RPS6KC1: variants seen among roughly 807,000 people sequenced by gnomAD.
The protein encoded by RPS6KC1 is ribosomal protein S6 kinase C1.
A neutral mutation model predicts 103.8 loss-of-function variants in RPS6KC1; 54 were observed. The ratio of observed to expected loss-of-function variants is 0.52; its 90% CI spans 0.42 to 0.65. The LOEUF (loss-of-function observed/expected upper bound fraction) is 0.65. Ranked by LOEUF, RPS6KC1 falls within the 30% of genes least tolerant of loss-of-function variation. The pLI is 0.00. For synonymous variants in RPS6KC1, 439 were observed against 438.7 expected (o/e 1.00, Z -0.01); for missense variants, 1,151 against 1,253.8 (o/e 0.92, Z 1.24).
At chr1:213,759,208 C>G in the RPS6KC1 span, among the ~76,000 whole-genome samples, 3 of 149,702 alleles carry the variant, frequency 2.0e-5, no homozygotes. Flanking sequence ...GCTGAAGACT[C>G]AGAGGATCAT....
chr1:213,530,962 G>A, the RPS6KC1 span, among the ~76,000 whole-genome samples: 1 of 152,118 alleles, frequency 6.6e-6, no homozygotes, highest in African/African-American at 2.4e-5. Flanking sequence ...TATACAGATT[G>A]GACACTTAGA....
chr1:213,720,047 T>A, the RPS6KC1 span, among the ~76,000 whole-genome samples: 1 of 152,180 alleles, frequency 6.6e-6, no homozygotes, highest in South Asian at 2.1e-4. Context: ...GGCATGAGGA[T>A]TTGACGTTCA....
At chr1:213,805,556 G>C in the RPS6KC1 span, among the ~76,000 whole-genome samples, 7 of 152,068 alleles carry the variant, frequency 4.6e-5, no homozygotes, top group African/African-American at 1.7e-4. Flanking sequence ...CCATCTTCAG[G>C]TTCCACTTCT....
the RPS6KC1 span, among the ~76,000 whole-genome samples, chr1:213,434,781 T>TG: frequency 8.3e-6 from 1 of 120,308 alleles, no homozygotes; most frequent in Non-Finnish European, 1.9e-5. Context: ...TATAACTGAC[T>TG]GTTTTTTTTT....
the RPS6KC1 span, among the ~76,000 whole-genome samples, chr1:213,624,376 G>C: frequency 6.6e-6 from 1 of 152,190 alleles, no homozygotes; most frequent in South Asian, 2.1e-4. Context: ...GAGCAAGCTA[G>C]GATGGGTAGA....
At chr1:213,457,194 C>A in the RPS6KC1 span, among the ~76,000 whole-genome samples, 2 of 152,212 alleles carry the variant, frequency 1.3e-5, no homozygotes, top group Non-Finnish European at 2.9e-5. Context: ...TGTGATTGTT[C>A]TGTTCTTTCC....
the RPS6KC1 span, among the ~76,000 whole-genome samples, chr1:213,641,684 T>G: frequency 4.0e-5 from 6 of 151,832 alleles, no homozygotes; most frequent in Admixed American, 3.9e-4. Context: ...CCTCACTCTC[T>G]GTGATCTACT....
chr1:213,762,015 G>A, the RPS6KC1 span, among the ~76,000 whole-genome samples: 1 of 152,042 alleles, frequency 6.6e-6, no homozygotes, highest in Non-Finnish European at 1.5e-5. Flanking sequence ...CAAAATGGTG[G>A]GTGGGAGAAA....
intron 8 of RPS6KC1, among the ~76,000 whole-genome samples, chr1:213,216,377 C>T (rs1033689790): frequency 1.3e-5 from 2 of 152,124 alleles, no homozygotes; most frequent in African/African-American, 4.8e-5. Flanking sequence ...AAAGCAAGTC[C>T]TTCGAGACCT....
rs1195388968 is a variant in RPS6KC1 at position 213,129,754 on chromosome 1, C to G, written c.700C>G (p.Leu234Val). The change falls in exon 6 of 15, where the codon CTT (leucine) becomes GTT (valine). Residue 234 changes from leucine (L) to valine (V), a missense_variant. By Grantham distance (32) the Leu-to-Val change is conservative. This residue lies in a region of RPS6KC1 where 959 missense variants were observed against 1,006.3 expected (regional missense o/e 0.95). Transcript: ENST00000366960. ...SLFPGSLKPKLGKRDYLEKAG... is the reference protein window; with the variant it reads ...SLFPGSLKPKVGKRDYLEKAG... ...CTTTCCTGGCAGTTTAAAGCCGAAGCTTGGCAAGAGAGATTATTTGGAGAA... is the reference window on the plus strand; with the variant it reads ...CTTTCCTGGCAGTTTAAAGCCGAAGGTTGGCAAGAGAGATTATTTGGAGAA... 6.2e-7 allele frequency: 1 copy of G among 1,613,938 alleles called. No individual in the cohort carries two copies. Among genetic ancestry groups the G allele is most frequent in the African/African-American group, 1.3e-5 (1 of 74,924 alleles).
At chr1:213,519,305 C>A in the RPS6KC1 span, among the ~76,000 whole-genome samples, 1 of 152,084 alleles carries the variant, frequency 6.6e-6, no homozygotes, top group South Asian at 2.1e-4. Flanking sequence ...TGGTAAGAGT[C>A]TGTAATGTTA....
At chr1:213,412,444 A>G in the RPS6KC1 span, among the ~76,000 whole-genome samples, 2 of 152,240 alleles carry the variant, frequency 1.3e-5, no homozygotes, top group Non-Finnish European at 2.9e-5. Context: ...ACCTTACGTC[A>G]TGCCCCAAGT....
chr1:213,506,036 C>G, the RPS6KC1 span, among the ~76,000 whole-genome samples: 2 of 152,142 alleles, frequency 1.3e-5, no homozygotes, highest in Admixed American at 6.5e-5. Context: ...ACACTTCTAT[C>G]CAGCTGGAGC....
rs199560994 is a variant in RPS6KC1 at position 213,129,710 on chromosome 1, A to T, written c.656A>T (p.Glu219Val). ...AGTGAACAGAGCAAAACAGAAGAAG[A>T]ACGGGAAAGTCGTAGCCTCTTTCCT... ...SDSEQSKTEEERESRSLFPGS... is the reference protein window; with the variant it reads ...SDSEQSKTEEVRESRSLFPGS... Residue 219 changes from glutamate (E) to valine (V), a missense_variant, in exon 6 of 15, where the codon GAA (glutamate) becomes GTA (valine). Around this residue, in one of 3 missense-constraint regions of RPS6KC1, gnomAD observed 959 missense variants for 1,006.3 expected, o/e 0.95. Transcript: ENST00000366960. 4.1e-5 allele frequency: 66 copies of T among 1,614,118 alleles called. 1 individual carries two copies. The highest frequency in any genetic ancestry group is 3.7e-4 in the Admixed American group (22 of 60,002).
chr1:213,135,523 T>A (rs1442288749), intron 6 of RPS6KC1, among the ~76,000 whole-genome samples: 2 of 152,166 alleles, frequency 1.3e-5, no homozygotes, highest in African/African-American at 4.8e-5. Flanking sequence ...GTCATGAAAA[T>A]TTTCCACAGC....
the RPS6KC1 span, among the ~76,000 whole-genome samples, chr1:213,576,658 C>G: frequency 6.6e-6 from 1 of 152,278 alleles, no homozygotes; most frequent in East Asian, 1.9e-4. Context: ...TCAGGCCACC[C>G]TATTCCTGGA....
chr1:213,268,272 ACAGT>A (rs1372360360), intron 14 of RPS6KC1, among the ~76,000 whole-genome samples: 10 of 151,980 alleles, frequency 6.6e-5, no homozygotes, highest in Non-Finnish European at 1.3e-4. Context: ...TTGGAATGAC[ACAGT>A]CAAAGTGCTG....
chr1:213,300,554 A>G, the RPS6KC1 span, among the ~76,000 whole-genome samples: 4 of 152,174 alleles, frequency 2.6e-5, no homozygotes, highest in African/African-American at 9.7e-5. Flanking sequence ...ATGTGTTCAC[A>G]TTAAGACTGA....
chr1:213,741,533 GA>G, the RPS6KC1 span, among the ~76,000 whole-genome samples: 15 of 150,404 alleles, frequency 1.0e-4, no homozygotes, highest in African/African-American at 2.0e-4. Flanking sequence ...CAACGTGCTG[GA>G]AAAAAAAAAT....
Sources: gnomAD v4.1 joint callset for allele counts (sites outside exome capture counted in the v4.1 genomes callset) on GRCh38, gnomAD v4.1.1 for gene constraint, gnomAD v4.1.1 regional missense constraint, MANE v1.5 for transcripts, NCBI Gene and HGNC (gene_info 2026-07-23, HGNC 2026-07-21) for gene names.